BCAR3: variants seen among roughly 807,000 people sequenced by gnomAD.
The protein encoded by BCAR3 is BCAR3 adaptor protein, NSP family member.
BCAR3 carries 37 observed loss-of-function variants against 80.1 expected under a neutral mutation model. The ratio of observed to expected loss-of-function variants is 0.46; its 90% CI spans 0.36 to 0.61. BCAR3 has a LOEUF of 0.61. BCAR3 is among the 20% of genes least tolerant of loss of function. The probability of loss-of-function intolerance (pLI) is 0.00; values close to 1 mark genes in which losing one functional copy is unlikely to be tolerated. For synonymous variants in BCAR3, 389 were observed against 418.9 expected (o/e 0.93, Z 0.87); for missense variants, 978 against 1,068.2 (o/e 0.92, Z 1.18).
intron 2 of BCAR3, among the ~76,000 whole-genome samples, chr1:93,716,244 G>A (rs1650183439): frequency 6.6e-6 from 1 of 152,224 alleles, no homozygotes. Context: ...CCATGTGTAT[G>A]TATTACTTAT....
chr1:93,637,937 G>A (rs772811758), intron 3 of BCAR3, among the ~76,000 whole-genome samples: 29 of 152,084 alleles, frequency 1.9e-4, no homozygotes, highest in Admixed American at 8.5e-4. Flanking sequence ...GCAAATCCAG[G>A]GTCACATTGC....
At chr1:93,619,100 ATT>A (rs34715455) in intron 3 of BCAR3, among the ~76,000 whole-genome samples, 3,542 of 126,664 alleles carry the variant, frequency 0.028, 126 homozygotes, top group African/African-American at 0.098. Context: ...CACCACGCCA[ATT>A]TTTTTTTTTT....
At position 93,621,149 on chromosome 1, in the gene BCAR3, G is replaced by A. The variant is rs79004947; in HGVS notation, c.357+21155C>T. On this transcript the variant is annotated intron_variant, in intron 3 of 11. Transcript: ENST00000260502. ...TGGAGAGAAAATGGTCTTATCAATCGCTTTTCTGTTGTCAAGCAAATTCTA... is the reference window on the plus strand; with the variant it reads ...TGGAGAGAAAATGGTCTTATCAATCACTTTTCTGTTGTCAAGCAAATTCTA... Among the ~76,000 whole-genome samples, 85 of 152,316 alleles carry A rather than the reference G, an allele frequency of 5.6e-4. 1 individual carries two copies. The East Asian group carries it at 0.012, about 22-fold the overall frequency.
At chr1:93,626,269 C>A (rs1557628104) in intron 3 of BCAR3, among the ~76,000 whole-genome samples, 1 of 152,088 alleles carries the variant, frequency 6.6e-6, no homozygotes, top group Non-Finnish European at 1.5e-5. Context: ...AAAAACAAGT[C>A]TCTTTAAATG....
intron 2 of BCAR3, among the ~76,000 whole-genome samples, chr1:93,762,851 C>T (rs577417916): frequency 6.6e-6 from 1 of 152,222 alleles, no homozygotes; most frequent in South Asian, 2.1e-4. Context: ...ATCTCCCAGT[C>T]CCCTCCATTC....
At chr1:93,823,738 G>C (rs1475515773) in intron 2 of BCAR3, among the ~76,000 whole-genome samples, 1 of 134,576 alleles carries the variant, frequency 7.4e-6, no homozygotes, top group Non-Finnish European at 1.7e-5. Context: ...GTCTCGCTCT[G>C]TGGCCAGGCT....
At chr1:93,630,929 AC>A (rs1170150054) in intron 3 of BCAR3, among the ~76,000 whole-genome samples, 3 of 152,234 alleles carry the variant, frequency 2.0e-5, no homozygotes, top group African/African-American at 4.8e-5. Context: ...AGGTCATACA[AC>A]CAAGAAACGG....
intron 2 of BCAR3, among the ~76,000 whole-genome samples, chr1:93,756,455 G>C (rs937886715): frequency 3.3e-5 from 5 of 152,248 alleles, no homozygotes; most frequent in African/African-American, 7.2e-5. Flanking sequence ...AACCACCCTG[G>C]TGACTAACCG....
intron 2 of BCAR3, chr1:93,775,219 T>A (rs1652503008): frequency 6.6e-6 from 1 of 152,252 alleles, no homozygotes; most frequent in South Asian, 2.1e-4. Flanking sequence ...GGCAGGTGAA[T>A]CTCATGGTGC....
chr1:93,830,573 C>A (rs975935866), intron 2 of BCAR3, among the ~76,000 whole-genome samples: 1 of 142,194 alleles, frequency 7.0e-6, no homozygotes, highest in African/African-American at 2.5e-5. Context: ...AAGAGAAAAA[C>A]CCCCTTTGAC....
intron 3 of BCAR3, among the ~76,000 whole-genome samples, chr1:93,701,616 G>A (rs1411918341): frequency 6.6e-6 from 1 of 152,242 alleles, no homozygotes; most frequent in Non-Finnish European, 1.5e-5. Flanking sequence ...ACCACCGTGT[G>A]TGATGAGGGG....
chr1:93,817,862 C>T (rs1325564911), intron 2 of BCAR3, among the ~76,000 whole-genome samples: 2 of 152,292 alleles, frequency 1.3e-5, no homozygotes, highest in Non-Finnish European at 2.9e-5. Flanking sequence ...GGGCTCTCCT[C>T]CTCCCTGCTT....
At chr1:93,589,632 C>T (rs541582189) in intron 4 of BCAR3, among the ~76,000 whole-genome samples, 2 of 152,232 alleles carry the variant, frequency 1.3e-5, no homozygotes, top group Non-Finnish European at 2.9e-5. Flanking sequence ...CCAAGCACCA[C>T]TGCAGGCTCA....
At chr1:93,817,994 T>C (rs1654079514) in intron 2 of BCAR3, among the ~76,000 whole-genome samples, 1 of 152,232 alleles carries the variant, frequency 6.6e-6, no homozygotes, top group Admixed American at 6.5e-5. Flanking sequence ...ACTGAGACTT[T>C]AGTGACTGCT....
At chr1:93,596,287 G>A (rs186967290) in intron 3 of BCAR3, among the ~76,000 whole-genome samples, 5 of 152,276 alleles carry the variant, frequency 3.3e-5, no homozygotes, top group Admixed American at 1.3e-4. Context: ...AGAATAAGGT[G>A]TCAGGTCCTA....
In BCAR3 at chr1:93,738,764, C is replaced by T. The variant is rs540842044; in HGVS notation, c.-62-32622G>A. ...CTGAGTCAGCCAAGACAGGGTGGGG[C>T]GGGGGGTGCCAGGGTTAGGACTGGG... On this transcript the variant is annotated intron_variant, in intron 2 of 13. Transcript: ENST00000370244. Among the ~76,000 whole-genome samples the T allele has an allele frequency of 1.4e-4, 21 of 151,746 alleles. No individual in the cohort carries two copies. In the East Asian group the frequency reaches 3.3e-3, roughly 24 times the overall value.
At chr1:93,645,837 T>C (rs1000054255) in intron 2 of BCAR3, among the ~76,000 whole-genome samples, 1 of 151,900 alleles carries the variant, frequency 6.6e-6, no homozygotes, top group South Asian at 2.1e-4. Flanking sequence ...TTTTTCTCCC[T>C]GTAGCTTATA....
chr1:93,604,616 C>A (rs998581539), intron 3 of BCAR3, among the ~76,000 whole-genome samples: 1 of 152,132 alleles, frequency 6.6e-6, no homozygotes, highest in Admixed American at 6.5e-5. Flanking sequence ...ATGTTAAACC[C>A]CTGTTACCTT....
chr1:93,564,697 T>C (rs543259832), intron 11 of BCAR3, among the ~76,000 whole-genome samples: 1 of 152,226 alleles, frequency 6.6e-6, no homozygotes, highest in African/African-American at 2.4e-5. Context: ...GTGTATGGTA[T>C]GAGGTAAGGA....
Sources: gnomAD v4.1 joint callset for allele counts (sites outside exome capture counted in the v4.1 genomes callset) on GRCh38, gnomAD v4.1.1 for gene constraint, MANE v1.5 for transcripts, NCBI Gene and HGNC (gene_info 2026-07-23, HGNC 2026-07-21) for gene names.